The following ROBO2 variants were observed in gnomAD, a reference collection of about 807,000 sequenced individuals.
The protein encoded by ROBO2 is roundabout homolog 2.
Under a neutral mutation model 160.8 loss-of-function variants are expected in ROBO2, and 53 were observed. The observed-to-expected ratio is 0.33, with a 90% confidence interval of 0.26 to 0.41. The LOEUF is 0.41. Ranked by LOEUF, ROBO2 falls within the 10% of genes least tolerant of loss-of-function variation. ROBO2 has a pLI of 1.00. For synonymous variants in ROBO2, 664 were observed against 611.7 expected, an observed-to-expected ratio of 1.09 and a Z score of -1.26; for missense variants, 1,577 against 1,722.4, an observed-to-expected ratio of 0.92 and a Z score of 1.49.
At position 76,263,460 on chromosome 3, in the gene ROBO2, G is replaced by A. The variant is rs1036608703; in HGVS notation, c.109+325858G>A. Among the ~76,000 whole-genome samples the A allele has an allele frequency of 7.9e-5, 12 of 152,054 alleles. No homozygotes were observed. In the South Asian group the frequency reaches 2.1e-3, roughly 26 times the overall value. ...CTGATCTCAAACTTCTGGACTCAAG[G>A]AATCCTCCTGCCTTGACCTCCCAAA... On this transcript the variant is annotated intron_variant, in intron 2 of 26. Coordinates refer to the ROBO2 transcript ENST00000487694.
At chr3:77,418,812 ATTG>A (rs372139105) in intron 2 of ROBO2, among the ~76,000 whole-genome samples, 42 of 152,246 alleles carry the variant, frequency 2.8e-4, no homozygotes, top group Middle Eastern at 3.4e-3. Flanking sequence ...CCTAGAAAAA[ATTG>A]TTAAGGAGTG....
At chr3:77,566,661 G>C (rs777513865) in intron 12 of ROBO2, among the ~76,000 whole-genome samples, 1 of 152,018 alleles carries the variant, frequency 6.6e-6, no homozygotes. Context: ...ACTAAATCTT[G>C]ACTCATAAAA....
intron 2 of ROBO2, among the ~76,000 whole-genome samples, chr3:75,996,488 G>T (rs923461622): frequency 1.3e-5 from 2 of 152,246 alleles, no homozygotes; most frequent in Middle Eastern, 3.4e-3. Context: ...TTTATAAATT[G>T]CCCAGGCTTG....
chr3:77,331,153 T>G (rs1411343631), intron 2 of ROBO2, among the ~76,000 whole-genome samples: 1 of 152,210 alleles, frequency 6.6e-6, no homozygotes, highest in African/African-American at 2.4e-5. Flanking sequence ...AGAAGAATAT[T>G]AAGCCCGTTA....
intron 2 of ROBO2, among the ~76,000 whole-genome samples, chr3:77,191,901 C>A (rs1320136621): frequency 1.3e-5 from 2 of 152,094 alleles, no homozygotes; most frequent in East Asian, 3.9e-4. Flanking sequence ...AGTATACTGG[C>A]GAGAGAACGA....
At chr3:77,149,237 AT>A (rs1008789177) in intron 2 of ROBO2, among the ~76,000 whole-genome samples, 10 of 151,888 alleles carry the variant, frequency 6.6e-5, no homozygotes, top group Admixed American at 5.2e-4. Flanking sequence ...GGGTTTCACC[AT>A]GTTGGCCAGG....
At chr3:77,559,782 A>T (rs374592935) in intron 9 of ROBO2, among the ~76,000 whole-genome samples, 3 of 152,000 alleles carry the variant, frequency 2.0e-5, no homozygotes, top group African/African-American at 7.2e-5. Context: ...ACATGCACAC[A>T]TAAGTTTTTA....
chr3:76,309,616 T>C (rs951590160), intron 2 of ROBO2, among the ~76,000 whole-genome samples: 3 of 152,200 alleles, frequency 2.0e-5, no homozygotes, highest in African/African-American at 7.2e-5. Context: ...TTGAAAGTGA[T>C]AACATCATAA....
chr3:76,646,315 G>A (rs2090968678), intron 2 of ROBO2, among the ~76,000 whole-genome samples: 1 of 152,178 alleles, frequency 6.6e-6, no homozygotes, highest in South Asian at 2.1e-4. Flanking sequence ...GCAGAAAGAA[G>A]ATGCCGAAAA....
chr3:75,949,870 A>G (rs1948470504), intron 2 of ROBO2, among the ~76,000 whole-genome samples: 1 of 152,108 alleles, frequency 6.6e-6, no homozygotes. Context: ...TCTGAACTTT[A>G]TGTGCAATGC....
Position 76,910,740 on chromosome 3 carries a change from AAAAAG to A in ROBO2, c.110-187269_110-187265del, listed in dbSNP as rs1289040543. On this transcript the variant is annotated intron_variant, in intron 2 of 26. Coordinates refer to the ROBO2 transcript ENST00000487694. The stretch of plus-strand genomic sequence containing the variant: ...AACTCTGTCTCAAAAAAAAAAAAAA[AAAAAG>A]AAAAAAAAAGAAATCATATACATTG... 2.6e-3 allele frequency among the ~76,000 whole-genome samples: 384 copies of A among 148,256 alleles called. 19 individuals are homozygous for A. Among genetic ancestry groups the A allele is most frequent in the African/African-American group, 8.4e-3 (334 of 39,614 alleles).
Position 76,311,327 on chromosome 3 carries a change from G to C in ROBO2, c.109+373725G>C, listed in dbSNP as rs1366243850. 4 of 152,212 alleles carry C rather than the reference G, an allele frequency of 2.6e-5. No homozygotes were observed. The East Asian group carries it at 7.7e-4, about 29-fold the overall frequency. The allele number at this position is 152,212 out of a possible 1,614,324, so 9.4% of individuals were successfully genotyped here. ...GAAAGTGGAGAAAATTACTAGGCTT[G>C]AACTTCTCTTCGTTTTGATGCTCTT... On this transcript the variant is annotated intron_variant, in intron 2 of 26. Coordinates refer to the ROBO2 transcript ENST00000487694.
At chr3:76,355,811 G>A (rs889435861) in intron 2 of ROBO2, among the ~76,000 whole-genome samples, 9 of 151,620 alleles carry the variant, frequency 5.9e-5, no homozygotes, top group South Asian at 2.1e-4. Flanking sequence ...AGGATATCCC[G>A]TGCAGAAAAC....
chr3:76,463,271 G>A (rs1212941174), intron 2 of ROBO2, among the ~76,000 whole-genome samples: 4 of 152,050 alleles, frequency 2.6e-5, no homozygotes, highest in African/African-American at 7.2e-5. Flanking sequence ...TCTTGTATGA[G>A]GTCAAGGTAC....
chr3:77,192,530 G>A (rs1408301527), intron 2 of ROBO2, among the ~76,000 whole-genome samples: 1 of 151,772 alleles, frequency 6.6e-6, no homozygotes. Context: ...AACATTCTTA[G>A]CTAAAAATTG....
chr3:76,935,386 T>C (rs1392637406), intron 2 of ROBO2, among the ~76,000 whole-genome samples: 1 of 152,216 alleles, frequency 6.6e-6, no homozygotes, highest in African/African-American at 2.4e-5. Flanking sequence ...CCTACAGACC[T>C]AATTTTTGTC....
chr3:76,860,178 T>A (rs955894568), intron 2 of ROBO2, among the ~76,000 whole-genome samples: 1 of 152,198 alleles, frequency 6.6e-6, no homozygotes, highest in East Asian at 1.9e-4. Context: ...GTTGGGTAGA[T>A]GTGGCAGAGT....
At chr3:77,375,313 A>G (rs1416443000) in intron 2 of ROBO2, among the ~76,000 whole-genome samples, 1 of 152,250 alleles carries the variant, frequency 6.6e-6, no homozygotes, top group African/African-American at 2.4e-5. Flanking sequence ...TGACAATAGA[A>G]TGTCTTTCTT....
chr3:77,425,666 A>ATT (rs1254754662), intron 2 of ROBO2, among the ~76,000 whole-genome samples: 1,528 of 124,196 alleles, frequency 0.012, 19 homozygotes, highest in Middle Eastern at 0.024. Flanking sequence ...CTTCAATATG[A>ATT]CTCTTTTTTT....
Sources: allele counts gnomAD v4.1 joint callset (sites outside exome capture counted in the v4.1 genomes callset), GRCh38; gene constraint gnomAD v4.1.1; transcripts MANE v1.5; gene names NCBI Gene and HGNC (gene_info 2026-07-23, HGNC 2026-07-21).